SHLD1: variants seen among roughly 807,000 people sequenced by gnomAD.
SHLD1 encodes the protein RINN1-REV7-interacting novel NHEJ regulator 3.
SHLD1 carries 3 observed loss-of-function variants against 5.5 expected under a neutral mutation model. That is an observed-to-expected ratio of 0.54 (90% confidence interval 0.25 to 1.40). SHLD1 has a LOEUF of 1.40. Among genes scored for constraint, SHLD1 ranks in the 40% most tolerant of loss-of-function variants. SHLD1 has a pLI of 0.15. For synonymous variants in SHLD1, 92 were observed against 94.3 expected, an observed-to-expected ratio of 0.98 and a Z score of 0.14; for missense variants, 210 against 244.4, an observed-to-expected ratio of 0.86 and a Z score of 0.94.
intron 2 of SHLD1, among the ~76,000 whole-genome samples, chr20:5,778,047 G>T (rs2091630837): frequency 6.6e-6 from 1 of 151,518 alleles, no homozygotes; most frequent in Admixed American, 6.6e-5. Flanking sequence ...GGCTGTGAGT[G>T]GTGGCTCATG....
intron 2 of SHLD1, among the ~76,000 whole-genome samples, chr20:5,798,856 G>A (rs1053696234): frequency 6.6e-6 from 1 of 152,058 alleles, no homozygotes; most frequent in Non-Finnish European, 1.5e-5. Flanking sequence ...CTGACCTCGT[G>A]ATCCGCCCAC....
chr20:5,859,987 C>G (rs906379268), intron 2 of SHLD1, among the ~76,000 whole-genome samples: 2 of 152,148 alleles, frequency 1.3e-5, no homozygotes, highest in Non-Finnish European at 2.9e-5. Flanking sequence ...TGCCATGTTG[C>G]TTGGCGTTTT....
At chr20:5,819,778 TGCAACTG>T (rs1568518742) in intron 2 of SHLD1, among the ~76,000 whole-genome samples, 3 of 152,186 alleles carry the variant, frequency 2.0e-5, no homozygotes, top group Admixed American at 6.5e-5. Context: ...GCCATGATGG[TGCAACTG>T]CACTCCAGCC....
At chr20:5,821,765 G>A (rs1014407877) in intron 2 of SHLD1, among the ~76,000 whole-genome samples, 19 of 152,112 alleles carry the variant, frequency 1.2e-4, no homozygotes, top group African/African-American at 3.6e-4. Flanking sequence ...GACTGCCACC[G>A]GATGCTTGGC....
chr20:5,811,672 TAGTG>T (rs2087459789), intron 2 of SHLD1, among the ~76,000 whole-genome samples: 1 of 151,882 alleles, frequency 6.6e-6, no homozygotes, highest in African/African-American at 2.4e-5. Flanking sequence ...CTGGGGAACA[TAGTG>T]AGACTGTGTC....
intron 2 of SHLD1, among the ~76,000 whole-genome samples, chr20:5,856,419 G>C (rs1189963513): frequency 6.6e-6 from 1 of 152,212 alleles, no homozygotes; most frequent in Non-Finnish European, 1.5e-5. Flanking sequence ...CAATGATTCT[G>C]TTCCCTCCTC....
intron 2 of SHLD1, among the ~76,000 whole-genome samples, chr20:5,840,738 T>A (rs1012363317): frequency 6.6e-6 from 1 of 152,226 alleles, no homozygotes. Flanking sequence ...GCAGCTCTCC[T>A]AACAATGATG....
chr20:5,761,764 C>T (rs945821416), intron 1 of SHLD1, among the ~76,000 whole-genome samples: 10 of 151,468 alleles, frequency 6.6e-5, no homozygotes, highest in South Asian at 2.1e-4. Context: ...CACGCCACCG[C>T]GCCCAGCTAA....
intron 1 of SHLD1, among the ~76,000 whole-genome samples, chr20:5,767,978 T>TC (rs1178098654): frequency 2.7e-5 from 4 of 149,960 alleles, no homozygotes; most frequent in Non-Finnish European, 5.9e-5. Flanking sequence ...ACGAATTCTT[T>TC]TTTTTTTTTT....
At chr20:5,810,887 C>CAAA (rs10627373) in intron 2 of SHLD1, among the ~76,000 whole-genome samples, 3,021 of 120,752 alleles carry the variant, frequency 0.025, 86 homozygotes, top group African/African-American at 0.057. Context: ...GACTCTGTCT[C>CAAA]AAAAAAAAAA....
intron 2 of SHLD1, among the ~76,000 whole-genome samples, chr20:5,789,576 TAAAA>T (rs58405557): frequency 0.038 from 4,334 of 113,320 alleles, 86 homozygotes; most frequent in Admixed American, 0.053. Flanking sequence ...AAACTTGATC[TAAAA>T]AAAAAAAAAA....
rs1468522109 is a variant in SHLD1 at position 5,806,209 on chromosome 20, G to A, written c.178+33166G>A. ...GGCGTTTCTTTATCTGTTTTATGGGGACAATAATATCTACCTGATGGGTGG... is the reference window on the plus strand; with the variant it reads ...GGCGTTTCTTTATCTGTTTTATGGGAACAATAATATCTACCTGATGGGTGG... On this transcript the variant is annotated intron_variant, in intron 2 of 2. Transcript: ENST00000303142. This position sits in a 1 kb window ranked among gnomAD's most constrained non-coding sequence, Gnocchi z 7.6. 6.6e-6 allele frequency among the ~76,000 whole-genome samples: 1 copy of A among 152,110 alleles called. No individual in the cohort carries two copies. Among genetic ancestry groups the A allele is most frequent in the Non-Finnish European group, 1.5e-5 (1 of 68,020 alleles).
chr20:5,853,842 C>CTTTTTT (rs753008247), intron 2 of SHLD1, among the ~76,000 whole-genome samples: 1 of 141,956 alleles, frequency 7.0e-6, no homozygotes, highest in Non-Finnish European at 1.6e-5. Flanking sequence ...TCCACGTCTA[C>CTTTTTT]TTTTTTTTTT....
Position 5,792,726 on chromosome 20 carries a change from T to G in SHLD1, c.178+19683T>G, listed in dbSNP as rs559917802. On this transcript the variant is annotated intron_variant, in intron 2 of 2. Coordinates refer to ENST00000303142, the MANE Select transcript of SHLD1 (RefSeq NM_152504.4). The stretch of plus-strand genomic sequence containing the variant: ...TCTTGGTCTGTTGCCCAGGCTGGAG[T>G]CCAGTGGCATGATCCCGGCTCACTG... Among the ~76,000 whole-genome samples the G allele has an allele frequency of 8.4e-4, 126 of 149,896 alleles. 2 individuals carry two copies. The highest frequency in any genetic ancestry group is 1.1e-3 in the Non-Finnish European group (74 of 67,824).
chr20:5,801,433 G>A (rs1568509501), intron 2 of SHLD1, among the ~76,000 whole-genome samples: 2 of 152,108 alleles, frequency 1.3e-5, no homozygotes, highest in Admixed American at 1.3e-4. Context: ...AACTCCGAAG[G>A]GCTTCTCATT....
At position 5,802,536 on chromosome 20, in the gene SHLD1, C is replaced by A. The variant is rs564994514; in HGVS notation, c.178+29493C>A. Among the ~76,000 whole-genome samples, 4 of 152,302 alleles carry A rather than the reference C, an allele frequency of 2.6e-5. No homozygotes were observed. The East Asian group carries it at 7.7e-4, about 29-fold the overall frequency. ...AAAGTGGTTAGAGCAGTACCTGGTG[C>A]TTTGTAAGTGTCTGATCCATGTTAG... On this transcript the variant is annotated intron_variant, in intron 2 of 2. Coordinates refer to ENST00000303142, the MANE Select transcript of SHLD1 (RefSeq NM_152504.4).
chr20:5,812,759 T>C (rs945680982), intron 2 of SHLD1, among the ~76,000 whole-genome samples: 1 of 152,234 alleles, frequency 6.6e-6, no homozygotes, highest in African/African-American at 2.4e-5. Flanking sequence ...CCTTCAGTCA[T>C]TAGCGAAATG....
Position 5,782,430 on chromosome 20 carries a change from A to G in SHLD1, c.178+9387A>G, listed in dbSNP as rs144622159. On this transcript the variant is annotated intron_variant, in intron 2 of 2. Coordinates refer to ENST00000303142, the MANE Select transcript of SHLD1 (RefSeq NM_152504.4). ...GAGAGCATCCAAGGTACTTTCTAATATAGGACAAGGAGTTTTCTCTGAAGT... is the reference window on the plus strand; with the variant it reads ...GAGAGCATCCAAGGTACTTTCTAATGTAGGACAAGGAGTTTTCTCTGAAGT... 1.6e-4 allele frequency among the ~76,000 whole-genome samples: 24 copies of G among 152,288 alleles called. No individual in the cohort carries two copies. The South Asian group carries it at 2.3e-3, about 14-fold the overall frequency.
chr20:5,805,960 T>C (rs2087369282), intron 2 of SHLD1, among the ~76,000 whole-genome samples: 1 of 152,170 alleles, frequency 6.6e-6, no homozygotes, highest in South Asian at 2.1e-4. Flanking sequence ...CATTTCTCTA[T>C]TGAATGGGGA....
Sources: gnomAD v4.1 joint callset for allele counts (sites outside exome capture counted in the v4.1 genomes callset) on GRCh38, gnomAD v4.1.1 for gene constraint, Gnocchi (gnomAD v3.1) non-coding constraint, MANE v1.5 for transcripts, NCBI Gene and HGNC (gene_info 2026-07-23, HGNC 2026-07-21) for gene names.